Variants in A4GALT observed in about 807,000 individuals in gnomAD.
A4GALT encodes the protein alpha 1,4-galactosyltransferase (P1PK blood group), also known as lactosylceramide 4-alpha-galactosyltransferase.
For synonymous variants in A4GALT, 257 were observed against 220.7 expected (o/e 1.16, Z -1.46); for missense variants, 512 against 486.0 (o/e 1.05, Z -0.50).
chr22:42,692,869 G>T lies in A4GALT; in HGVS notation c.*21C>A. 1 of 1,598,722 alleles carries T rather than the reference G, an allele frequency of 6.3e-7. No homozygotes were observed. The highest frequency in any genetic ancestry group is 1.1e-5 in the South Asian group (1 of 91,020). On this transcript the variant is annotated 3_prime_UTR_variant, in exon 3 of 3. Coordinates refer to ENST00000642412, the MANE Select transcript of A4GALT (RefSeq NM_017436.7). The surrounding 1 kb of genome is among the most constrained non-coding windows in gnomAD (Gnocchi z 4.6). ...CAGTGCCCCATCAGGAGCAGGTTGG[G>T]GAGGTGACCTGGCGGGCCCCTCACA... is the stretch of plus-strand genomic sequence containing the variant.
intron 1 of A4GALT, among the ~76,000 whole-genome samples, chr22:42,709,067 A>ATATATATATATATTTT (rs1180529043): frequency 5.0e-4 from 65 of 128,822 alleles, no homozygotes; most frequent in South Asian, 1.0e-3. Context: ...ATATATATAT[A>ATATATATATATATTTT]TTTTTTTTAA....
rs1287870620 is a variant in A4GALT at position 42,706,044 on chromosome 22, C to T, written c.-187-10413G>A. ...ACTCCAGCCTGGGTGACACAGACTA[C>T]ATCTCAAAAAAAAAAAAAAAAAAAA... On this transcript the variant is annotated intron_variant, in intron 1 of 2. Transcript: ENST00000642412. Among the ~76,000 whole-genome samples, 2 of 46,500 alleles carry T rather than the reference C, an allele frequency of 4.3e-5. 1 individual carries two copies. The highest frequency in any genetic ancestry group is 8.9e-5 in the Non-Finnish European group (2 of 22,552). 30.5% of individuals were successfully genotyped at this position (46,500 alleles called of 152,430 possible).
At chr22:42,716,120 C>A (rs1017954479) in intron 1 of A4GALT, among the ~76,000 whole-genome samples, 2 of 152,332 alleles carry the variant, frequency 1.3e-5, no homozygotes, top group African/African-American at 4.8e-5. Context: ...GCATGAACCA[C>A]TGCGCCCGGC....
At chr22:42,706,049 C>CAAA (rs763747325) in intron 1 of A4GALT, among the ~76,000 whole-genome samples, 10 of 24,482 alleles carry the variant, frequency 4.1e-4, no homozygotes, top group African/African-American at 7.5e-4. Context: ...GACTACATCT[C>CAAA]AAAAAAAAAA....
intron 2 of A4GALT, 49 bp from the exon 3 acceptor site, chr22:42,694,046 T>C: frequency 1.5e-5 from 18 of 1,171,702 alleles, no homozygotes; most frequent in Admixed American, 2.0e-5. Context: ...GCATTCCCGA[T>C]CCACAAGGAA....
intron 1 of A4GALT, among the ~76,000 whole-genome samples, chr22:42,696,443 G>GA (rs1357384288): frequency 2.2e-5 from 3 of 134,488 alleles, no homozygotes; most frequent in Non-Finnish European, 4.8e-5. Context: ...AAAAAAAAAA[G>GA]AAAAAAGGAA....
chr22:42,720,366 G>C (rs892117968), intron 1 of A4GALT, among the ~76,000 whole-genome samples: 2 of 143,410 alleles, frequency 1.4e-5, no homozygotes, highest in Non-Finnish European at 3.1e-5. Flanking sequence ...CATCCGCTCC[G>C]GGGCGAGCAC....
At chr22:42,716,875 A>G (rs1922229343) in intron 1 of A4GALT, among the ~76,000 whole-genome samples, 1 of 152,144 alleles carries the variant, frequency 6.6e-6, no homozygotes, top group Admixed American at 6.5e-5. Flanking sequence ...CCGTAACTAT[A>G]TCTGGGACAA....
At chr22:42,714,957 G>A (rs797018116) in intron 1 of A4GALT, among the ~76,000 whole-genome samples, 5 of 151,868 alleles carry the variant, frequency 3.3e-5, no homozygotes, top group African/African-American at 1.2e-4. Context: ...CCTGGAGTAA[G>A]TGACTCAGGG....
At chr22:42,716,873 A>G (rs1487836710) in intron 1 of A4GALT, among the ~76,000 whole-genome samples, 1 of 152,202 alleles carries the variant, frequency 6.6e-6, no homozygotes, top group Admixed American at 6.5e-5. Context: ...TCCCGTAACT[A>G]TATCTGGGAC....
chr22:42,708,256 G>A (rs113034934), intron 1 of A4GALT, among the ~76,000 whole-genome samples: 5 of 151,344 alleles, frequency 3.3e-5, no homozygotes, highest in South Asian at 4.2e-4. Flanking sequence ...GTGTGGTGGC[G>A]CCTACCTGTA....
chr22:42,692,844 C>T lies in A4GALT; in HGVS notation c.*46G>A, dbSNP rs767759741. On this transcript the variant is annotated 3_prime_UTR_variant, in exon 3 of 3. Coordinates refer to ENST00000642412, the MANE Select transcript of A4GALT (RefSeq NM_017436.7). This position sits in a 1 kb window ranked among gnomAD's most constrained non-coding sequence, Gnocchi z 4.6. ...TCTTGCCTCCCCGGGAAGGGCGGCCCAGTGCCCCATCAGGAGCAGGTTGGG... is the reference window on the plus strand; with the variant it reads ...TCTTGCCTCCCCGGGAAGGGCGGCCTAGTGCCCCATCAGGAGCAGGTTGGG... The T allele has an allele frequency of 6.9e-6, 11 of 1,593,934 alleles. No individual in the cohort carries two copies. The African/African-American group carries it at 1.5e-4, about 21-fold the overall frequency.
Position 42,692,586 on chromosome 22 carries a change from T to G in A4GALT, c.*304A>C. 1 of 526,788 alleles carries G rather than the reference T, an allele frequency of 1.9e-6. No homozygotes were observed. The highest frequency in any genetic ancestry group is 3.7e-6 in the Non-Finnish European group (1 of 272,568). 32.6% of individuals were successfully genotyped at this position (526,788 alleles called of 1,614,324 possible). A position where few individuals can be genotyped will look rare whatever the true frequency, so the allele number is the denominator to read the frequency against. ...GCACCTCTGTCCCAACTGCCTGGCT[T>G]TCCGCACCACCTGGGGGTGCCCTGA... On this transcript the variant is annotated 3_prime_UTR_variant, in exon 3 of 3. Coordinates refer to ENST00000642412, the MANE Select transcript of A4GALT (RefSeq NM_017436.7). The surrounding 1 kb of genome is among the most constrained non-coding windows in gnomAD (Gnocchi z 4.6).
At chr22:42,717,333 A>G (rs80012992) in intron 1 of A4GALT, among the ~76,000 whole-genome samples, 2 of 152,238 alleles carry the variant, frequency 1.3e-5, no homozygotes, top group Non-Finnish European at 2.9e-5. Flanking sequence ...ACTCACCCTG[A>G]ACTAGGCTCT....
chr22:42,697,232 G>T (rs1930996550), intron 1 of A4GALT, among the ~76,000 whole-genome samples: 1 of 152,232 alleles, frequency 6.6e-6, no homozygotes, highest in East Asian at 1.9e-4. Context: ...TGAGTGACCA[G>T]TAAGAGTGAA....
intron 1 of A4GALT, among the ~76,000 whole-genome samples, chr22:42,710,532 C>CA (rs561114637): frequency 3.8e-4 from 57 of 151,814 alleles, no homozygotes; most frequent in Non-Finnish European, 5.4e-4. Context: ...CTCATCTCCA[C>CA]AAAAAATTAC....
Position 42,693,497 on chromosome 22 carries a change from T to C in A4GALT, c.455A>G (p.Asp152Gly), listed in dbSNP as rs915904656. Residue 152 changes from aspartate to glycine, a missense_variant, in exon 3 of 3, where the codon GAC becomes GGC. Transcript: ENST00000642412. ...CGCGTACCAGTCGGCCAGGGGTGTG[T>C]CCCGGAACAGCTCCCGCAGGTCCAG... ...LPLDLRELFR[D>G]TPLADWYAAV... 1 of 1,612,926 alleles carries C rather than the reference T, an allele frequency of 6.2e-7. No homozygotes were observed. Among genetic ancestry groups the C allele is most frequent in the African/African-American group, 1.3e-5 (1 of 74,868 alleles).
intron 1 of A4GALT, among the ~76,000 whole-genome samples, chr22:42,716,569 G>A (rs542720063): frequency 2.0e-5 from 3 of 152,244 alleles, no homozygotes; most frequent in East Asian, 1.9e-4. Flanking sequence ...GCTGGGCAGC[G>A]GCAGAGCGGG....
chr22:42,693,547 G>A lies in A4GALT; in HGVS notation c.405C>T (p.Cys135=). The A allele has an allele frequency of 6.2e-7, 1 of 1,613,546 alleles. No individual in the cohort carries two copies. Among genetic ancestry groups the A allele is most frequent in the Non-Finnish European group, 8.5e-7 (1 of 1,180,036 alleles). ...PRHLGISLLS[C]FPNVQMLPLD... Reference sequence around the variant, plus strand: ...GCGGGAGCATCTGGACATTCGGGAAGCAGCTCAGAAGTGAGATGCCCAGGT... The same window carrying A: ...GCGGGAGCATCTGGACATTCGGGAAACAGCTCAGAAGTGAGATGCCCAGGT... The change falls in exon 3 of 3, where the codon TGC becomes TGT. Residue 135 remains cysteine (C), a synonymous_variant. Coordinates refer to ENST00000642412, the MANE Select transcript of A4GALT (RefSeq NM_017436.7).
Sources: allele counts gnomAD v4.1 joint callset (sites outside exome capture counted in the v4.1 genomes callset), GRCh38; gene constraint gnomAD v4.1.1; non-coding constraint Gnocchi (gnomAD v3.1); transcripts MANE v1.5; gene names NCBI Gene and HGNC (gene_info 2026-07-23, HGNC 2026-07-21).